SYT1: variants seen among roughly 807,000 people sequenced by gnomAD.
SYT1 encodes synaptotagmin-1.
SYT1 carries 8 observed loss-of-function variants against 44.8 expected under a neutral mutation model. The observed-to-expected ratio is 0.18, with a 90% CI of 0.10 to 0.32. The LOEUF is 0.32. Among genes scored for constraint, SYT1 ranks in the 10% least tolerant of loss-of-function variants. SYT1 has a pLI of 1.00. For missense variants in SYT1, 286 were observed against 509.3 expected (o/e 0.56, Z 4.22); for synonymous variants, 154 against 188.8 (o/e 0.82, Z 1.51).
chr12:79,153,998 A>G (rs1200389514), intron 3 of SYT1, among the ~76,000 whole-genome samples: 2 of 152,120 alleles, frequency 1.3e-5, no homozygotes, highest in Non-Finnish European at 2.9e-5. Context: ...TAGTTGACAA[A>G]TCTGAGAATC....
intron 6 of SYT1, 131 bp from the exon 7 acceptor site, chr12:79,295,938 A>T: frequency 9.4e-7 from 1 of 1,060,442 alleles, no homozygotes; most frequent in Non-Finnish European, 1.3e-6. Flanking sequence ...CAGATTCATA[A>T]GAGAATCAGA....
At chr12:79,358,581 C>T (rs1883200712) in intron 9 of SYT1, among the ~76,000 whole-genome samples, 1 of 152,100 alleles carries the variant, frequency 6.6e-6, no homozygotes, top group Non-Finnish European at 1.5e-5. Flanking sequence ...CTTGCAATTG[C>T]TCTTATCACT....
chr12:79,240,866 A>C (rs79072164), intron 4 of SYT1, among the ~76,000 whole-genome samples: 1,535 of 152,298 alleles, frequency 0.01, 19 homozygotes, highest in Middle Eastern at 0.044. Flanking sequence ...AATGTAGAGG[A>C]GAATATTTTA....
chr12:79,326,940 A>G (rs1342626966), intron 8 of SYT1, among the ~76,000 whole-genome samples: 1 of 152,226 alleles, frequency 6.6e-6, no homozygotes, highest in Non-Finnish European at 1.5e-5. Flanking sequence ...AATAAGTTTT[A>G]TACTTTTTAC....
chr12:79,131,925 G>A (rs990801979), intron 3 of SYT1, among the ~76,000 whole-genome samples: 3 of 152,150 alleles, frequency 2.0e-5, no homozygotes, highest in African/African-American at 7.2e-5. Flanking sequence ...ATACATGTAT[G>A]GAGCTATGAT....
chr12:79,133,793 C>A (rs1211977191), intron 3 of SYT1, among the ~76,000 whole-genome samples: 2 of 152,118 alleles, frequency 1.3e-5, no homozygotes, highest in Non-Finnish European at 2.9e-5. Flanking sequence ...TTGAACAGAG[C>A]AACCGGTTTG....
chr12:78,868,370 A>G (rs1429534253), intron 1 of SYT1, among the ~76,000 whole-genome samples: 1 of 151,856 alleles, frequency 6.6e-6, no homozygotes, highest in African/African-American at 2.4e-5. Context: ...AATATTTTTA[A>G]AAAGTAAATA....
intron 8 of SYT1, among the ~76,000 whole-genome samples, chr12:79,313,101 C>G (rs1325778755): frequency 1.3e-5 from 2 of 152,150 alleles, no homozygotes; most frequent in Non-Finnish European, 2.9e-5. Flanking sequence ...TTGACTCCAG[C>G]AGATGAAATG....
In SYT1 at chr12:79,448,777, G is replaced by C. The variant is rs1593076244; in HGVS notation, c.1063-141G>C. 3 of 722,024 alleles carry C rather than the reference G, an allele frequency of 4.2e-6. No individual in the cohort carries two copies. The East Asian group carries it at 7.8e-5, about 19-fold the overall frequency. 44.7% of individuals were successfully genotyped at this position (722,024 alleles called of 1,614,324 possible). A position where few individuals can be genotyped will look rare whatever the true frequency, so the allele number is the denominator to read the frequency against. On this transcript the variant is annotated intron_variant, in intron 10 of 10. Transcript: ENST00000261205. ...ATAAAAATTAACGTTTGAGTATTAA[G>C]ATTCAAGTCATTTTCATCCTCATCC...
intron 3 of SYT1, among the ~76,000 whole-genome samples, chr12:79,099,679 G>A (rs981773677): frequency 3.3e-5 from 5 of 151,434 alleles, no homozygotes; most frequent in African/African-American, 1.2e-4. Context: ...TTTAACTTCT[G>A]TGTCTGTGTT....
intron 8 of SYT1, among the ~76,000 whole-genome samples, chr12:79,346,300 G>T (rs1364215194): frequency 6.6e-6 from 1 of 152,106 alleles, no homozygotes; most frequent in Admixed American, 6.6e-5. Flanking sequence ...ATTAATTTGT[G>T]TCTATTCAAT....
chr12:79,010,536 A>G (rs1489150323), intron 2 of SYT1, among the ~76,000 whole-genome samples: 3 of 152,110 alleles, frequency 2.0e-5, no homozygotes, highest in Admixed American at 1.3e-4. Flanking sequence ...TTATCCCCTC[A>G]CTTATTAAAT....
intron 1 of SYT1, among the ~76,000 whole-genome samples, chr12:78,954,901 T>C (rs1230035529): frequency 6.6e-6 from 1 of 152,124 alleles, no homozygotes; most frequent in African/African-American, 2.4e-5. Flanking sequence ...GTGATTATCC[T>C]GAATACTAAG....
chr12:79,264,182 A>G (rs1035886902), intron 4 of SYT1, among the ~76,000 whole-genome samples: 1 of 150,054 alleles, frequency 6.7e-6, no homozygotes, highest in Non-Finnish European at 1.5e-5. Context: ...AAGCCCAGCA[A>G]CTTTTTTTTT....
At chr12:79,350,948 A>C (rs1304953660) in intron 8 of SYT1, among the ~76,000 whole-genome samples, 1 of 152,204 alleles carries the variant, frequency 6.6e-6, no homozygotes, top group East Asian at 1.9e-4. Flanking sequence ...AAAATGCTAA[A>C]ACTTTTTGAA....
intron 3 of SYT1, among the ~76,000 whole-genome samples, chr12:79,098,208 G>T (rs371033304): frequency 6.6e-6 from 1 of 151,990 alleles, no homozygotes; most frequent in South Asian, 2.1e-4. Flanking sequence ...TCAACAACTT[G>T]CCCAAAGTAA....
intron 3 of SYT1, among the ~76,000 whole-genome samples, chr12:79,071,363 C>T (rs888082442): frequency 6.6e-6 from 1 of 152,112 alleles, no homozygotes; most frequent in African/African-American, 2.4e-5. Context: ...TTAAAAAGCT[C>T]ACAGTCTAAG....
chr12:79,244,129 C>T (rs1346973198), intron 4 of SYT1, among the ~76,000 whole-genome samples: 2 of 152,174 alleles, frequency 1.3e-5, no homozygotes, highest in Non-Finnish European at 2.9e-5. Context: ...GGCACTTTAA[C>T]GTACTGCATC....
rs1875689968 is a variant in SYT1, at chr12:78,901,983, C to A, written c.-217+36874C>A. On this transcript the variant is annotated intron_variant, in intron 1 of 10. Coordinates refer to ENST00000261205, the MANE Select transcript of SYT1 (RefSeq NM_005639.3). ...TTCTCACTCATAAGTGGGAACTGAA[C>A]AATAAGAACACATGGACACAGGGAG... Among the ~76,000 whole-genome samples, 3 of 149,746 alleles carry A rather than the reference C, an allele frequency of 2.0e-5. No individual in the cohort carries two copies. The South Asian group carries it at 6.5e-4, about 32-fold the overall frequency.
Sources: allele counts gnomAD v4.1 joint callset (sites outside exome capture counted in the v4.1 genomes callset), GRCh38; gene constraint gnomAD v4.1.1; transcripts MANE v1.5; gene names NCBI Gene and HGNC (gene_info 2026-07-23, HGNC 2026-07-21).